PTPRM: variants seen among roughly 807,000 people sequenced by gnomAD.
PTPRM encodes the protein protein tyrosine phosphatase receptor type M.
Under a neutral mutation model 186.7 loss-of-function variants are expected in PTPRM, and 47 were observed. The observed-to-expected ratio is 0.25, with a 90% CI of 0.20 to 0.32. The LOEUF (loss-of-function observed/expected upper bound fraction) is 0.32, where lower values mean the gene tolerates loss of function less well. PTPRM is among the 10% of genes least tolerant of loss of function. The pLI is 1.00. For synonymous variants in PTPRM, 668 were observed against 674.9 expected (o/e 0.99, Z 0.16); for missense variants, 1,494 against 1,865.0 (o/e 0.80, Z 3.66).
intron 7 of PTPRM, chr18:7,995,792 TTTA>T (rs1205014368): frequency 6.6e-6 from 1 of 152,098 alleles, no homozygotes; most frequent in Non-Finnish European, 1.5e-5. Flanking sequence ...TGCTTCCCAT[TTTA>T]TTGTTGTGTA....
intron 2 of PTPRM, among the ~76,000 whole-genome samples, chr18:7,823,824 C>T (rs2045339352): frequency 6.6e-6 from 1 of 152,116 alleles, no homozygotes; most frequent in African/African-American, 2.4e-5. Context: ...TTGCAGATGG[C>T]CTATTGTGGG....
chr18:7,711,456 T>C (rs2040211832), intron 1 of PTPRM, among the ~76,000 whole-genome samples: 1 of 151,776 alleles, frequency 6.6e-6, no homozygotes, highest in African/African-American at 2.4e-5. Flanking sequence ...CATGCCACAG[T>C]GGTGCTTGGA....
chr18:8,107,738 G>T (rs2091586364), intron 11 of PTPRM, among the ~76,000 whole-genome samples: 2 of 152,202 alleles, frequency 1.3e-5, no homozygotes. Flanking sequence ...AGAATATTCA[G>T]CCCCACAGGT....
At chr18:7,641,590 G>A (rs1326764424) in intron 1 of PTPRM, among the ~76,000 whole-genome samples, 1 of 152,186 alleles carries the variant, frequency 6.6e-6, no homozygotes, top group Admixed American at 6.5e-5. Context: ...GTGGGCGGTT[G>A]CCCACAGCTG....
chr18:8,092,367 T>C (rs984191737), intron 11 of PTPRM, among the ~76,000 whole-genome samples: 1 of 151,950 alleles, frequency 6.6e-6, no homozygotes, highest in African/African-American at 2.4e-5. Context: ...TTCAAAGTTT[T>C]TTCATTAATA....
intron 2 of PTPRM, among the ~76,000 whole-genome samples, chr18:7,833,706 C>G (rs909718003): frequency 2.0e-5 from 3 of 151,976 alleles, no homozygotes; most frequent in Non-Finnish European, 4.4e-5. Context: ...GGCACTCCAG[C>G]CTGGTCCACA....
At chr18:7,906,047 C>T (rs1379434297) in intron 3 of PTPRM, among the ~76,000 whole-genome samples, 2 of 152,140 alleles carry the variant, frequency 1.3e-5, no homozygotes, top group African/African-American at 2.4e-5. Context: ...CTCACAAGCT[C>T]AACCCTGGCT....
intron 7 of PTPRM, among the ~76,000 whole-genome samples, chr18:8,017,413 T>G (rs1381596006): frequency 6.6e-6 from 1 of 151,606 alleles, no homozygotes; most frequent in Non-Finnish European, 1.5e-5. Flanking sequence ...ATACAAAAAT[T>G]TTGTCCTAAA....
At chr18:7,654,084 T>C (rs538881978) in intron 1 of PTPRM, among the ~76,000 whole-genome samples, 28 of 152,348 alleles carry the variant, frequency 1.8e-4, no homozygotes, top group African/African-American at 6.7e-4. Flanking sequence ...TTGAACTTTT[T>C]TTCATATGCT....
intron 2 of PTPRM, among the ~76,000 whole-genome samples, chr18:7,829,474 G>C (rs527254106): frequency 6.6e-6 from 1 of 152,156 alleles, no homozygotes; most frequent in Non-Finnish European, 1.5e-5. Flanking sequence ...TACATGTTGG[G>C]TTTGTAGACA....
At chr18:8,035,925 A>G (rs887266316) in intron 7 of PTPRM, among the ~76,000 whole-genome samples, 7 of 152,228 alleles carry the variant, frequency 4.6e-5, no homozygotes, top group African/African-American at 1.4e-4. Context: ...AAATGATTTT[A>G]TAATACTGAC....
Position 8,387,076 on chromosome 18 carries a change from A to G in PTPRM, c.4049A>G (p.Gln1350Arg). 1 of 1,604,510 alleles carries G rather than the reference A, an allele frequency of 6.2e-7. No individual in the cohort carries two copies. Among genetic ancestry groups the G allele is most frequent in the Non-Finnish European group, 8.5e-7 (1 of 1,171,476 alleles). ...IFRIYNAARP[Q>R]DGYRMVQQFQ... Reference sequence around the variant, plus strand: ...TTGTTGCCTTGTTCTTCGTAGCCCCAAGATGGATATCGGATGGTGCAGCAA... The same window carrying G: ...TTGTTGCCTTGTTCTTCGTAGCCCCGAGATGGATATCGGATGGTGCAGCAA... Residue 1350 changes from glutamine (Q) to arginine (R), a missense_variant, in exon 31 of 33, where the codon CAA (glutamine) becomes CGA (arginine). By Grantham distance (43) the Gln-to-Arg change is conservative (BLOSUM62 1). Around this residue, in one of 3 missense-constraint regions of PTPRM, gnomAD observed 1,107 missense variants for 1,350.2 expected, o/e 0.82. Coordinates refer to ENST00000580170, the MANE Select transcript of PTPRM (RefSeq NM_001105244.2).
intron 7 of PTPRM, among the ~76,000 whole-genome samples, chr18:8,047,050 CAGAA>C (rs2087114441): frequency 6.6e-6 from 1 of 152,168 alleles, no homozygotes; most frequent in Admixed American, 6.5e-5. Flanking sequence ...AATTCAACTT[CAGAA>C]AGAATGAACG....
intron 21 of PTPRM, 113 bp downstream of exon 21, chr18:8,314,970 C>G: frequency 3.1e-6 from 2 of 641,900 alleles, no homozygotes; most frequent in Non-Finnish European, 5.1e-6. Flanking sequence ...GAGTATAAAA[C>G]TCAGTAAACC....
At chr18:8,051,144 C>T (rs749043057) in intron 7 of PTPRM, among the ~76,000 whole-genome samples, 11 of 152,148 alleles carry the variant, frequency 7.2e-5, no homozygotes, top group Non-Finnish European at 1.3e-4. Flanking sequence ...TCTTTAATGA[C>T]GTATGATCTT....
rs930768578 is a variant in PTPRM at position 7,773,057 on chromosome 18, A to G, written c.74-1092A>G. On this transcript the variant is annotated intron_variant, in intron 1 of 32. Coordinates refer to ENST00000580170, the MANE Select transcript of PTPRM (RefSeq NM_001105244.2). ...CAAAATCATCAACGTGCTGAATGCT[A>G]TTGATGCTGAAACAGCTGAATTACT... is the stretch of plus-strand genomic sequence containing the variant. Among the ~76,000 whole-genome samples, 8 of 152,284 alleles carry G rather than the reference A, an allele frequency of 5.3e-5. No homozygotes were observed. The South Asian group carries it at 8.3e-4, about 16-fold the overall frequency.
Position 7,568,013 on chromosome 18 carries a change from C to G in PTPRM, c.73+122C>G, listed in dbSNP as rs572007591. 27 of 932,394 alleles carry G rather than the reference C, an allele frequency of 2.9e-5. No individual in the cohort carries two copies. Among genetic ancestry groups the G allele is most frequent in the Admixed American group, 4.4e-5 (1 of 22,770 alleles). 57.8% of individuals were successfully genotyped at this position (932,394 alleles called of 1,614,324 possible). On this transcript the variant is annotated intron_variant, in intron 1 of 32. Transcript: ENST00000580170. This position sits in a 1 kb window ranked among gnomAD's most constrained non-coding sequence, Gnocchi z 5.1. ...CGTCGGGGCCGGGCGGGGGGCGCGGCGGGCCGGACACCGCTTCTGCCTGTG... is the reference window on the plus strand; with the variant it reads ...CGTCGGGGCCGGGCGGGGGGCGCGGGGGGCCGGACACCGCTTCTGCCTGTG...
At chr18:8,288,406 GT>G (rs1264108589) in intron 19 of PTPRM, among the ~76,000 whole-genome samples, 1 of 152,142 alleles carries the variant, frequency 6.6e-6, no homozygotes, top group Non-Finnish European at 1.5e-5. Flanking sequence ...TTATTAAACT[GT>G]TTTTTAGGGA....
intron 5 of PTPRM, among the ~76,000 whole-genome samples, chr18:7,944,505 T>C (rs77859924): frequency 0.028 from 4,295 of 152,298 alleles, 205 homozygotes; most frequent in African/African-American, 0.099. Context: ...AGCATCAGAA[T>C]ACACTGAAAT....
Sources: allele counts gnomAD v4.1 joint callset (sites outside exome capture counted in the v4.1 genomes callset), GRCh38; gene constraint gnomAD v4.1.1; regional missense constraint gnomAD v4.1.1; non-coding constraint Gnocchi (gnomAD v3.1); transcripts MANE v1.5; gene names NCBI Gene and HGNC (gene_info 2026-07-23, HGNC 2026-07-21).